Variants in CDHR3 observed in about 807,000 individuals in gnomAD.
The protein encoded by CDHR3 is cadherin related family member 3.
In CDHR3, 79 loss-of-function variants were observed where a neutral mutation model predicts 86.6. The observed-to-expected ratio is 0.91, with a 90% CI of 0.76 to 1.10. The LOEUF is 1.10. Among genes scored for constraint, CDHR3 ranks in the 50% least tolerant of loss-of-function variants. The probability of loss-of-function intolerance (pLI) is 0.00; values close to 1 mark genes in which losing one functional copy is unlikely to be tolerated. For synonymous variants in CDHR3, 421 were observed against 402.4 expected (o/e 1.05, Z -0.55); for missense variants, 1,081 against 1,077.6 (o/e 1.00, Z -0.04).
At chr7:106,027,864 C>G (rs1837608277) in intron 16 of CDHR3, among the ~76,000 whole-genome samples, 1 of 152,082 alleles carries the variant, frequency 6.6e-6, no homozygotes, top group South Asian at 2.1e-4. Flanking sequence ...GTGGCTCACA[C>G]TTATAATCCC....
chr7:106,008,929 C>A (rs1045629317), intron 8 of CDHR3, among the ~76,000 whole-genome samples: 1 of 152,160 alleles, frequency 6.6e-6, no homozygotes, highest in African/African-American at 2.4e-5. Context: ...TGTCCATTTT[C>A]TCTCTTCAGT....
chr7:106,015,256 T>G (rs1835419105), intron 10 of CDHR3, 43 bp downstream of exon 10: 2 of 1,501,992 alleles, frequency 1.3e-6, no homozygotes, highest in East Asian at 4.8e-5. Flanking sequence ...CTTTCTTGAG[T>G]ATCAATGACC....
At chr7:105,964,749 A>C (rs968202801) in intron 1 of CDHR3, among the ~76,000 whole-genome samples, 3 of 152,192 alleles carry the variant, frequency 2.0e-5, no homozygotes, top group African/African-American at 7.2e-5. Context: ...TGACCATTTA[A>C]TTTTCCTCTT....
chr7:106,009,441 G>T (rs1015623091), intron 8 of CDHR3, among the ~76,000 whole-genome samples: 4 of 152,218 alleles, frequency 2.6e-5, no homozygotes, highest in African/African-American at 7.2e-5. Flanking sequence ...AGCCAAGCAC[G>T]CAAGCAGGTC....
intron 11 of CDHR3, among the ~76,000 whole-genome samples, chr7:106,017,564 GACACACAC>G (rs539661927): frequency 0.013 from 1,687 of 130,620 alleles, 25 homozygotes; most frequent in African/African-American, 0.043. Flanking sequence ...GTCACACACA[GACACACAC>G]ACACACACAC....
At chr7:106,015,277 G>T in intron 10 of CDHR3, 64 bp downstream of exon 10, 1 of 1,389,090 alleles carries the variant, frequency 7.2e-7, no homozygotes, top group South Asian at 1.2e-5. Flanking sequence ...AAACTCTGCT[G>T]GGCAATACTA....
At chr7:106,028,974 T>TTCTTTCTTTCTC (rs1837892673) in intron 17 of CDHR3, among the ~76,000 whole-genome samples, 1 of 150,016 alleles carries the variant, frequency 6.7e-6, no homozygotes, top group African/African-American at 2.5e-5. Flanking sequence ...CTTTCTTTCT[T>TTCTTTCTTTCTC]TCTTTCTTTC....
At chr7:106,027,985 G>C (rs1313001291) in intron 16 of CDHR3, among the ~76,000 whole-genome samples, 3 of 151,872 alleles carry the variant, frequency 2.0e-5, no homozygotes, top group Non-Finnish European at 2.9e-5. Flanking sequence ...AAATTAGCTG[G>C]GTGTGGTAGT....
chr7:105,970,882 C>T (rs1827839466), intron 1 of CDHR3, among the ~76,000 whole-genome samples: 1 of 152,110 alleles, frequency 6.6e-6, no homozygotes, highest in Non-Finnish European at 1.5e-5. Context: ...TTAAAAAAAT[C>T]AGTATCCCCA....
At chr7:106,005,010 A>G (rs1228331232) in intron 8 of CDHR3, among the ~76,000 whole-genome samples, 2 of 152,202 alleles carry the variant, frequency 1.3e-5, no homozygotes, top group Non-Finnish European at 2.9e-5. Flanking sequence ...CCCTCCCTGG[A>G]CTGTGCCTGT....
Position 105,984,199 on chromosome 7 carries a change from C to CCTCT in CDHR3, c.424_427dup (p.Tyr143SerfsTer16), listed in dbSNP as rs761357739. Reference sequence around the variant, plus strand: ...CTTTGGACACTGGTCTAGGTCTACACCTCTACATAGTAGAAAGAGCAAACC... The same window carrying CCTCT: ...CTTTGGACACTGGTCTAGGTCTACACCTCTCTCTACATAGTAGAAAGAGCAAACC... On this transcript the variant is annotated frameshift_variant, in exon 4 of 19. Transcript: ENST00000317716. LOFTEE classifies it high-confidence loss of function. The CCTCT allele has an allele frequency of 1.8e-5, 29 of 1,603,084 alleles. No homozygotes were observed. The African/African-American group carries it at 3.3e-4, about 18-fold the overall frequency.
chr7:106,010,156 A>C (rs1277466146), intron 8 of CDHR3, among the ~76,000 whole-genome samples: 1 of 152,156 alleles, frequency 6.6e-6, no homozygotes, highest in African/African-American at 2.4e-5. Flanking sequence ...GCAGAGTTGA[A>C]ATCAAGGCTT....
Position 106,015,131 on chromosome 7 carries a change from C to T in CDHR3, c.1245C>T (p.Tyr415=), listed in dbSNP as rs368926002. The T allele has an allele frequency of 3.7e-4, 603 of 1,608,368 alleles. No individual in the cohort carries two copies. Among genetic ancestry groups the T allele is most frequent in the Non-Finnish European group, 4.4e-4 (523 of 1,177,454 alleles). Reference sequence around the variant, plus strand: ...TCTAGCTGATTGGTGATCTAGACTACGAAAATCCAAGTAACCTAGCAGCCG... The same window carrying T: ...TCTAGCTGATTGGTGATCTAGACTATGAAAATCCAAGTAACCTAGCAGCCG... The part of the protein sequence containing the change: ...GKIVLIGDLD[Y]ENPSNLAAGN... Residue 415 remains tyrosine (Y), a synonymous_variant, in exon 10 of 19, where the codon TAC becomes TAT. Transcript: ENST00000317716.
At chr7:106,016,542 C>T (rs1835651924) in intron 11 of CDHR3, among the ~76,000 whole-genome samples, 1 of 152,126 alleles carries the variant, frequency 6.6e-6, no homozygotes, top group African/African-American at 2.4e-5. Context: ...AAGACTCACT[C>T]CCCACTTCCA....
chr7:105,994,913 G>C, intron 5 of CDHR3, 68 bp downstream of exon 5: 1 of 1,297,630 alleles, frequency 7.7e-7, no homozygotes, highest in Non-Finnish European at 1.1e-6. Context: ...TGAGGGATAG[G>C]TCACAGTGCA....
intron 8 of CDHR3, among the ~76,000 whole-genome samples, chr7:106,011,036 G>C (rs1834720848): frequency 6.6e-6 from 1 of 152,216 alleles, no homozygotes; most frequent in Admixed American, 6.5e-5. Context: ...TCAGAGCCCA[G>C]CAGCTGAGGC....
At chr7:106,008,370 C>T (rs1834266831) in intron 8 of CDHR3, among the ~76,000 whole-genome samples, 1 of 152,178 alleles carries the variant, frequency 6.6e-6, no homozygotes, top group Admixed American at 6.5e-5. Flanking sequence ...GTCGCAGGAC[C>T]TGCTTCCTCC....
intron 18 of CDHR3, 43 bp from the exon 19 acceptor site, chr7:106,032,350 G>C: frequency 1.3e-6 from 2 of 1,549,086 alleles, no homozygotes; most frequent in Non-Finnish European, 1.7e-6. Flanking sequence ...ACAGTCATTG[G>C]AATTTTCTGG....
intron 4 of CDHR3, among the ~76,000 whole-genome samples, chr7:105,989,695 C>A (rs773799333): frequency 5.3e-5 from 8 of 152,132 alleles, no homozygotes; most frequent in Middle Eastern, 3.2e-3. Context: ...TGGATGGGAT[C>A]TTTCAGGTCC....
Sources: allele counts gnomAD v4.1 joint callset (sites outside exome capture counted in the v4.1 genomes callset), GRCh38; gene constraint gnomAD v4.1.1; transcripts MANE v1.5; gene names NCBI Gene and HGNC (gene_info 2026-07-23, HGNC 2026-07-21).